The following PPM1E variants were observed in gnomAD, a reference collection of about 807,000 sequenced individuals.
PPM1E encodes protein phosphatase, Mg2+/Mn2+ dependent 1E, also known as protein phosphatase 1E.
PPM1E carries 20 observed loss-of-function variants against 65.9 expected under a neutral mutation model. The ratio of observed to expected loss-of-function variants is 0.30; its 90% CI spans 0.21 to 0.44. The LOEUF is 0.44. PPM1E is among the 20% of genes least tolerant of loss of function. The probability of loss-of-function intolerance (pLI) is 1.00; values close to 1 mark genes in which losing one functional copy is unlikely to be tolerated. For synonymous variants in PPM1E, 352 were observed against 374.9 expected, an observed-to-expected ratio of 0.94 and a Z score of 0.70; for missense variants, 713 against 953.1, an observed-to-expected ratio of 0.75 and a Z score of 3.32.
At chr17:58,879,541 G>A (rs2051167312) in intron 1 of PPM1E, among the ~76,000 whole-genome samples, 3 of 118,130 alleles carry the variant, frequency 2.5e-5, no homozygotes, top group Non-Finnish European at 4.8e-5. Context: ...ACAGAGTCTC[G>A]CTCTGTCGCC....
chr17:58,833,996 GAT>G (rs1371134990), intron 1 of PPM1E, among the ~76,000 whole-genome samples: 1 of 152,146 alleles, frequency 6.6e-6, no homozygotes, highest in East Asian at 1.9e-4. Context: ...GATGATTAGT[GAT>G]GTGGAGCATT....
Position 58,969,737 on chromosome 17 carries a change from T to C in PPM1E, c.972+10T>C, listed in dbSNP as rs774615674. On this transcript the variant is annotated intron_variant, in intron 4 of 6. Transcript: ENST00000308249. ...GAAAGCAGCCAGGGAGGTATGCCCC[T>C]TTCTCATAAGTTCCAGCTAGAAATG... 1.2e-6 allele frequency: 2 copies of C among 1,613,198 alleles called. No individual in the cohort carries two copies. Among genetic ancestry groups the C allele is most frequent in the African/African-American group, 2.7e-5 (2 of 74,892 alleles).
intron 1 of PPM1E, among the ~76,000 whole-genome samples, chr17:58,946,772 A>G (rs543741633): frequency 1.4e-4 from 21 of 152,230 alleles, no homozygotes; most frequent in African/African-American, 3.6e-4. Flanking sequence ...CTACCAGTCT[A>G]TGGGTTGTCT....
At chr17:58,824,036 A>G (rs1426066368) in intron 1 of PPM1E, among the ~76,000 whole-genome samples, 3 of 152,100 alleles carry the variant, frequency 2.0e-5, no homozygotes, top group South Asian at 4.1e-4. Context: ...GGCCTGCAAA[A>G]TTTAAATTTA....
At chr17:58,828,577 G>A (rs1567846218) in intron 1 of PPM1E, among the ~76,000 whole-genome samples, 1 of 151,282 alleles carries the variant, frequency 6.6e-6, no homozygotes, top group Non-Finnish European at 1.5e-5. Context: ...TGATTCTCCT[G>A]CCTCAGCCTC....
At chr17:58,783,702 T>C (rs2050070496) in intron 1 of PPM1E, among the ~76,000 whole-genome samples, 1 of 152,080 alleles carries the variant, frequency 6.6e-6, no homozygotes. Flanking sequence ...AGTATATTTG[T>C]GTAGTGGTTT....
chr17:58,944,443 A>T (rs960957241), intron 1 of PPM1E, among the ~76,000 whole-genome samples: 5 of 152,082 alleles, frequency 3.3e-5, no homozygotes, highest in Admixed American at 6.6e-5. Flanking sequence ...GAAAATTTTC[A>T]TCACCCCAGA....
chr17:58,835,527 CAT>C (rs1179274651), intron 1 of PPM1E, among the ~76,000 whole-genome samples: 2 of 151,944 alleles, frequency 1.3e-5, no homozygotes, highest in Admixed American at 6.6e-5. Flanking sequence ...TTTATTAAAA[CAT>C]ATATTTTTGA....
At chr17:58,890,040 C>T (rs143423494) in intron 1 of PPM1E, among the ~76,000 whole-genome samples, 510 of 152,124 alleles carry the variant, frequency 3.4e-3, no homozygotes, top group Non-Finnish European at 5.8e-3. Context: ...AGTTATGTTC[C>T]GTAAAGTTAC....
intron 1 of PPM1E, among the ~76,000 whole-genome samples, chr17:58,923,144 G>T (rs1424837127): frequency 6.6e-6 from 1 of 150,730 alleles, no homozygotes; most frequent in Non-Finnish European, 1.5e-5. Context: ...AATTAGCTGG[G>T]CATGGTGGTG....
Position 58,768,302 on chromosome 17 carries a change from A to T in PPM1E, c.464+11841A>T, listed in dbSNP as rs377631569. Reference sequence around the variant, plus strand: ...TCTATTTTGCCCAGGGTGGTCTCAAATTCCTAGGCTCAAGTGATCCACCCA... The same window carrying T: ...TCTATTTTGCCCAGGGTGGTCTCAATTTCCTAGGCTCAAGTGATCCACCCA... On this transcript the variant is annotated intron_variant, in intron 1 of 6. Transcript: ENST00000308249. Among the ~76,000 whole-genome samples the T allele has an allele frequency of 5.9e-5, 9 of 152,072 alleles. No homozygotes were observed. The East Asian group carries it at 7.8e-4, about 13-fold the overall frequency.
chr17:58,898,420 A>T (rs1182479749), intron 1 of PPM1E, among the ~76,000 whole-genome samples: 5 of 152,200 alleles, frequency 3.3e-5, no homozygotes, highest in Admixed American at 6.5e-5. Flanking sequence ...GCTCATCATC[A>T]CTGGCCATCA....
At chr17:58,820,783 TTTAAA>T in intron 1 of PPM1E, among the ~76,000 whole-genome samples, 1 of 152,270 alleles carries the variant, frequency 6.6e-6, no homozygotes, top group South Asian at 2.1e-4. Context: ...AATAAATGTA[TTTAAA>T]TTATATCATA....
chr17:58,805,965 AAAAAAAAACAAAAAAAAAAC>A, intron 1 of PPM1E, among the ~76,000 whole-genome samples: 1 of 112,450 alleles, frequency 8.9e-6, no homozygotes, highest in Non-Finnish European at 1.7e-5. Context: ...AAAAAACAAA[AAAAAAAAACAAAAAAAAAAC>A]AAAACAAAAC....
chr17:58,979,931 T>C, intron 6 of PPM1E, 43 bp from the exon 7 acceptor site: 1 of 1,510,718 alleles, frequency 6.6e-7, no homozygotes, highest in Non-Finnish European at 9.0e-7. Context: ...GCATGCAAGG[T>C]AAAACAAATG....
At chr17:58,926,674 T>C (rs1418996085) in intron 1 of PPM1E, among the ~76,000 whole-genome samples, 1 of 152,180 alleles carries the variant, frequency 6.6e-6, no homozygotes, top group African/African-American at 2.4e-5. Flanking sequence ...TAGCTTGAAA[T>C]TTTAAGAGAA....
intron 1 of PPM1E, among the ~76,000 whole-genome samples, chr17:58,784,603 C>A (rs2050081233): frequency 6.6e-6 from 1 of 151,426 alleles, no homozygotes; most frequent in Admixed American, 6.6e-5. Flanking sequence ...TGGCTCACTG[C>A]AGTCTCCGCC....
intron 1 of PPM1E, among the ~76,000 whole-genome samples, chr17:58,874,642 TG>T (rs1439840405): frequency 6.6e-6 from 1 of 152,156 alleles, no homozygotes; most frequent in Non-Finnish European, 1.5e-5. Flanking sequence ...TATGTACTTA[TG>T]GGGTCTTTTG....
At chr17:58,974,748 T>A (rs1321524708) in intron 6 of PPM1E, among the ~76,000 whole-genome samples, 1 of 152,182 alleles carries the variant, frequency 6.6e-6, no homozygotes, top group Non-Finnish European at 1.5e-5. Flanking sequence ...TTACCAAAAA[T>A]TCCAGAACAT....
Sources: gnomAD v4.1 joint callset for allele counts (sites outside exome capture counted in the v4.1 genomes callset) on GRCh38, gnomAD v4.1.1 for gene constraint, MANE v1.5 for transcripts, NCBI Gene and HGNC (gene_info 2026-07-23, HGNC 2026-07-21) for gene names.